Variants in FANCB observed in about 807,000 individuals in gnomAD.
FANCB encodes FA complementation group B.
In FANCB, 5 loss-of-function variants were observed where a neutral mutation model predicts 38.9. The observed-to-expected ratio is 0.13, with a 90% CI of 0.07 to 0.27. The LOEUF is 0.27. Among genes scored for constraint, FANCB ranks in the 10% least tolerant of loss-of-function variants. FANCB has a pLI of 1.00. For missense variants in FANCB, 573 were observed against 602.7 expected (o/e 0.95, Z 0.52); for synonymous variants, 236 against 215.4 (o/e 1.10, Z -0.84).
the FANCB span, among the ~76,000 whole-genome samples, chrX:14,810,854 C>G: frequency 1.8e-5 from 2 of 111,066 alleles, no homozygotes; most frequent in Non-Finnish European, 3.8e-5. Context: ...AACTCCAAGA[C>G]ACATAATTGT....
the FANCB span, among the ~76,000 whole-genome samples, chrX:14,785,200 C>G: frequency 3.6e-5 from 4 of 112,091 alleles, no homozygotes; most frequent in Non-Finnish European, 7.5e-5. Flanking sequence ...CTTGTGATAA[C>G]AGTGGGCCCA....
At chrX:14,763,798 G>C in the FANCB span, among the ~76,000 whole-genome samples, 9 of 111,651 alleles carry the variant, frequency 8.1e-5, no homozygotes, top group African/African-American at 2.3e-4. Context: ...TCATCATGCT[G>C]TGTGTTCAAA....
At chrX:14,708,501 C>T in the FANCB span, among the ~76,000 whole-genome samples, 1 of 111,514 alleles carries the variant, frequency 9.0e-6, no homozygotes, top group Non-Finnish European at 1.9e-5. Flanking sequence ...TTGACCAGCC[C>T]ACACTCACAC....
chrX:14,862,690 C>T (rs908664354), intron 3 of FANCB, among the ~76,000 whole-genome samples: 2 of 111,851 alleles, frequency 1.8e-5, no homozygotes, highest in Admixed American at 9.5e-5. Flanking sequence ...TAACTGAGTT[C>T]CTCCTATGTG....
At chrX:14,849,363 A>C (rs1037476609) in intron 7 of FANCB, among the ~76,000 whole-genome samples, 1 of 111,645 alleles carries the variant, frequency 9.0e-6, no homozygotes, top group African/African-American at 3.3e-5. Context: ...AAACAAAACA[A>C]TAAATCCATA....
At chrX:14,835,393 C>T (rs1569080135), downstream of FANCB, 1 of 384,452 alleles carries the variant, frequency 2.6e-6, no homozygotes, top group Admixed American at 3.1e-5. Flanking sequence ...AGAGAAGAGC[C>T]GCGCAGGACA....
intron 5 of FANCB, among the ~76,000 whole-genome samples, chrX:14,857,503 G>A (rs2092428033): frequency 9.0e-6 from 1 of 111,476 alleles, no homozygotes; most frequent in South Asian, 3.7e-4. Context: ...AAATATGAGA[G>A]TAAACTGTTC....
the FANCB span, among the ~76,000 whole-genome samples, chrX:14,691,270 ACTGTGTGT>A: frequency 2.3e-5 from 1 of 43,826 alleles, no homozygotes; most frequent in Admixed American, 2.8e-4. Flanking sequence ...CTAAATATTG[ACTGTGTGT>A]GTGTGTGTGT....
At chrX:14,730,396 G>A in the FANCB span, 1 of 1,205,810 alleles carries the variant, frequency 8.3e-7, no homozygotes, top group Non-Finnish European at 1.1e-6. Context: ...GATATCTCGA[G>A]CTGCCTTCCC....
chrX:14,695,371 C>T, the FANCB span, among the ~76,000 whole-genome samples: 1 of 111,584 alleles, frequency 9.0e-6, no homozygotes, highest in East Asian at 2.8e-4. Flanking sequence ...TAAAAGAATG[C>T]ATTTGGCAAA....
the FANCB span, among the ~76,000 whole-genome samples, chrX:14,813,685 A>C: frequency 2.7e-5 from 3 of 111,704 alleles, no homozygotes; most frequent in Non-Finnish European, 5.7e-5. Context: ...AGGACACAAA[A>C]AAATGGAAGA....
rs1440633578 is a variant in FANCB, at chrX:14,844,696, A to T, written c.1972T>A (p.Ser658Thr). The T allele has an allele frequency of 2.5e-6, 3 of 1,211,211 alleles. No homozygotes were observed. The highest frequency in any genetic ancestry group is 2.2e-6 in the Non-Finnish European group (2 of 894,937). ...CCGGGTGATGTGATTTGAAAACAAG[A>T]TTTATGGAATGCTGCAAGAAGTGCA... is the stretch of plus-strand genomic sequence containing the variant. ...LFALLAAFHK[S>T]CFQITSPGYA... is the part of the protein sequence containing the mutation. Residue 658 changes from serine to threonine, a missense_variant, in exon 9 of 10, where the codon TCT (serine) becomes ACT (threonine). By Grantham distance (58) the Ser-to-Thr change is moderately conservative. Coordinates refer to ENST00000650831, the MANE Select transcript of FANCB (RefSeq NM_001018113.3).
chrX:14,828,173 C>A, the FANCB span, among the ~76,000 whole-genome samples: 1 of 111,676 alleles, frequency 9.0e-6, no homozygotes, highest in African/African-American at 3.3e-5. Flanking sequence ...TTTTGCTAGT[C>A]GAGGATCTTT....
intron 3 of FANCB, among the ~76,000 whole-genome samples, chrX:14,863,235 A>C (rs1300918128): frequency 1.8e-5 from 2 of 112,313 alleles, no homozygotes; most frequent in Non-Finnish European, 3.8e-5. Flanking sequence ...AAACTTTCTA[A>C]AACATTTAAC....
chrX:14,730,889 TATACACACACACACACACAC>T, the FANCB span: 2 of 129,238 alleles, frequency 1.5e-5, no homozygotes, highest in East Asian at 1.8e-4. Context: ...AAAAGTTAGC[TATACACACACACACACACAC>T]ACACACACAC....
At chrX:14,820,104 CT>C in the FANCB span, among the ~76,000 whole-genome samples, 2 of 111,209 alleles carry the variant, frequency 1.8e-5, no homozygotes, top group Non-Finnish European at 3.8e-5. Flanking sequence ...CACCACTCAA[CT>C]AACCTACCCA....
chrX:14,795,364 T>G, the FANCB span, among the ~76,000 whole-genome samples: 1 of 112,232 alleles, frequency 8.9e-6, no homozygotes, highest in African/African-American at 3.2e-5. Flanking sequence ...TCATTGACAA[T>G]ACACTGCCCT....
At chrX:14,752,923 C>T in the FANCB span, among the ~76,000 whole-genome samples, 1 of 107,004 alleles carries the variant, frequency 9.3e-6, no homozygotes, top group Non-Finnish European at 1.9e-5. Flanking sequence ...TTATAATTCT[C>T]TCCTCCTCCC....
chrX:14,796,243 T>A, the FANCB span, among the ~76,000 whole-genome samples: 3 of 109,490 alleles, frequency 2.7e-5, no homozygotes, highest in Admixed American at 3.0e-4. Flanking sequence ...ACATTGGCAA[T>A]CAAGATGTCA....
Sources: allele counts gnomAD v4.1 joint callset (sites outside exome capture counted in the v4.1 genomes callset), GRCh38; gene constraint gnomAD v4.1.1; transcripts MANE v1.5; gene names NCBI Gene and HGNC (gene_info 2026-07-23, HGNC 2026-07-21).